Variants in HS3ST4 observed in about 807,000 individuals in gnomAD.
The protein encoded by HS3ST4 is heparan sulfate glucosamine 3-O-sulfotransferase 4.
HS3ST4 carries 17 observed loss-of-function variants against 29.2 expected under a neutral mutation model. The observed-to-expected ratio is 0.58, with a 90% CI of 0.40 to 0.87. The LOEUF is 0.87. Ranked by LOEUF, HS3ST4 falls within the 40% of genes least tolerant of loss-of-function variation. The pLI, the probability that HS3ST4 is intolerant of heterozygous loss-of-function variation, is 0.00. For synonymous variants in HS3ST4, 314 were observed against 285.7 expected (o/e 1.10, Z -1.00); for missense variants, 627 against 634.5 (o/e 0.99, Z 0.13).
In HS3ST4 at chr16:25,899,940, C is replaced by T. The variant is rs1968106041; in HGVS notation, c.734+206789C>T. Reference sequence around the variant, plus strand: ...GAAGAATAGAAAGGAGCACACATCCCATTAGGAAATCATGAAGCTGCCAGG... The same window carrying T: ...GAAGAATAGAAAGGAGCACACATCCTATTAGGAAATCATGAAGCTGCCAGG... On this transcript the variant is annotated intron_variant, in intron 1 of 1. Coordinates refer to ENST00000331351, the MANE Select transcript of HS3ST4 (RefSeq NM_006040.3). 3.9e-5 allele frequency among the ~76,000 whole-genome samples: 6 copies of T among 152,142 alleles called. No individual in the cohort carries two copies. In the South Asian group the frequency reaches 1.2e-3, roughly 32 times the overall value.
intron 1 of HS3ST4, among the ~76,000 whole-genome samples, chr16:25,794,881 ACCTT>A (rs888888286): frequency 6.9e-6 from 1 of 145,908 alleles, no homozygotes; most frequent in African/African-American, 2.6e-5. Flanking sequence ...TATGTGGTAA[ACCTT>A]TACTCAAGAA....
At chr16:26,117,216 C>CA (rs1706233618) in intron 1 of HS3ST4, among the ~76,000 whole-genome samples, 1 of 152,152 alleles carries the variant, frequency 6.6e-6, no homozygotes, top group Non-Finnish European at 1.5e-5. Flanking sequence ...GAACCATTTG[C>CA]AGTAGAATTG....
intron 1 of HS3ST4, among the ~76,000 whole-genome samples, chr16:25,941,821 C>T (rs1968575108): frequency 6.6e-6 from 1 of 152,024 alleles, no homozygotes; most frequent in Admixed American, 6.6e-5. Flanking sequence ...TGTGATCCTC[C>T]CACCTCAGCC....
intron 1 of HS3ST4, among the ~76,000 whole-genome samples, chr16:26,083,322 T>G (rs1596674684): frequency 6.6e-6 from 1 of 152,272 alleles, no homozygotes. Context: ...CTAAATCGAG[T>G]GAGCTGCATT....
At chr16:26,055,677 A>G (rs1250205598) in intron 1 of HS3ST4, among the ~76,000 whole-genome samples, 1 of 152,210 alleles carries the variant, frequency 6.6e-6, no homozygotes, top group Non-Finnish European at 1.5e-5. Context: ...CCTAGTCACT[A>G]TCCCCTGGCT....
intron 1 of HS3ST4, among the ~76,000 whole-genome samples, chr16:25,758,988 A>AC (rs1555464362): frequency 0.47 from 71,185 of 150,294 alleles, 18,053 homozygotes; most frequent in Non-Finnish European, 0.57. Flanking sequence ...ACAAAAAAAA[A>AC]CCCCAGAAAA....
chr16:26,131,560 C>T (rs1278897040), intron 1 of HS3ST4, among the ~76,000 whole-genome samples: 1 of 152,056 alleles, frequency 6.6e-6, no homozygotes, highest in Admixed American at 6.6e-5. Context: ...TTACTTAAAA[C>T]CTAGAAGAGA....
At chr16:25,710,626 T>C (rs1027044141) in intron 1 of HS3ST4, among the ~76,000 whole-genome samples, 1 of 152,072 alleles carries the variant, frequency 6.6e-6, no homozygotes, top group Non-Finnish European at 1.5e-5. Flanking sequence ...GCCTATGTAC[T>C]AGAATGGTTC....
In HS3ST4 at chr16:25,692,990, C is replaced by G. The variant is rs1427471193; in HGVS notation, c.573C>G (p.Asp191Glu). 4.3e-6 allele frequency: 7 copies of G among 1,611,386 alleles called. No homozygotes were observed. The Admixed American group carries it at 1.2e-4, about 27-fold the overall frequency. The change falls in exon 1 of 2, where the codon GAC (aspartate) becomes GAG (glutamate). Residue 191 changes from aspartate to glutamate, a missense_variant. By Grantham distance (45) the Asp-to-Glu change is conservative. Around this residue, in one of 2 missense-constraint regions of HS3ST4, gnomAD observed 402 missense variants for 340.8 expected, o/e 1.18. Coordinates refer to ENST00000331351, the MANE Select transcript of HS3ST4 (RefSeq NM_006040.3). Reference protein sequence around the residue: ...SERGGAVSTPDYGEKKLPQAL... With the variant: ...SERGGAVSTPEYGEKKLPQAL... ...GGGGCGGCGCCGTCAGCACCCCCGACTATGGGGAGAAGAAGCTGCCACAGG... is the reference window on the plus strand; with the variant it reads ...GGGGCGGCGCCGTCAGCACCCCCGAGTATGGGGAGAAGAAGCTGCCACAGG...
At chr16:25,895,058 T>C (rs34123567) in intron 1 of HS3ST4, among the ~76,000 whole-genome samples, 30,373 of 152,000 alleles carry the variant, frequency 0.2, 3,191 homozygotes, top group African/African-American at 0.27. Flanking sequence ...ATGAGAGTTA[T>C]AACAAGAGTA....
intron 1 of HS3ST4, among the ~76,000 whole-genome samples, chr16:25,877,937 C>T (rs528696837): frequency 1.3e-5 from 2 of 152,092 alleles, no homozygotes; most frequent in Non-Finnish European, 2.9e-5. Context: ...TCAGGAGCTT[C>T]CAGTCTGGGT....
At chr16:25,902,423 A>T (rs1326699222) in intron 1 of HS3ST4, among the ~76,000 whole-genome samples, 1 of 152,102 alleles carries the variant, frequency 6.6e-6, no homozygotes, top group African/African-American at 2.4e-5. Flanking sequence ...TCAAGGCTGA[A>T]GCTGCAGTGA....
chr16:25,906,832 C>G (rs1968184925), intron 1 of HS3ST4, among the ~76,000 whole-genome samples: 1 of 152,028 alleles, frequency 6.6e-6, no homozygotes. Context: ...AAGTGGATTC[C>G]TAATAAACTG....
At chr16:25,903,802 G>A (rs1020633353) in intron 1 of HS3ST4, among the ~76,000 whole-genome samples, 7 of 152,100 alleles carry the variant, frequency 4.6e-5, no homozygotes, top group East Asian at 1.9e-4. Flanking sequence ...TAAACAATAC[G>A]CACTTTTTTG....
chr16:26,037,097 A>G (rs1350005070), intron 1 of HS3ST4, among the ~76,000 whole-genome samples: 1 of 152,206 alleles, frequency 6.6e-6, no homozygotes, highest in African/African-American at 2.4e-5. Context: ...GGTAAAAGGC[A>G]ATGATCTAAG....
At chr16:25,992,644 C>T (rs1427628268) in intron 1 of HS3ST4, among the ~76,000 whole-genome samples, 5 of 152,224 alleles carry the variant, frequency 3.3e-5, no homozygotes, top group Admixed American at 6.5e-5. Flanking sequence ...AAGGGCTGTC[C>T]GGGTCTTCTG....
chr16:25,865,748 G>A (rs920914152), intron 1 of HS3ST4, among the ~76,000 whole-genome samples: 8 of 152,158 alleles, frequency 5.3e-5, no homozygotes, highest in African/African-American at 1.9e-4. Context: ...ATTGCATAAT[G>A]TTGGGAAAAC....
At chr16:26,009,628 G>A (rs1347928910) in intron 1 of HS3ST4, among the ~76,000 whole-genome samples, 1 of 152,190 alleles carries the variant, frequency 6.6e-6, no homozygotes, top group African/African-American at 2.4e-5. Context: ...CTGCCATGTG[G>A]AATGTTGCAT....
intron 1 of HS3ST4, among the ~76,000 whole-genome samples, chr16:26,092,239 A>T (rs959936796): frequency 1.3e-5 from 2 of 152,184 alleles, no homozygotes; most frequent in Non-Finnish European, 2.9e-5. Context: ...GGCAGAAAAA[A>T]ACGTGGCAAA....
Sources: gnomAD v4.1 joint callset for allele counts (sites outside exome capture counted in the v4.1 genomes callset) on GRCh38, gnomAD v4.1.1 for gene constraint, gnomAD v4.1.1 regional missense constraint, MANE v1.5 for transcripts, NCBI Gene and HGNC (gene_info 2026-07-23, HGNC 2026-07-21) for gene names.